Variants in IPO13 observed in about 807,000 individuals in gnomAD.
IPO13 encodes the protein importin-13.
A neutral mutation model predicts 115.5 loss-of-function variants in IPO13; 28 were observed. That is an observed-to-expected ratio of 0.24 (90% CI 0.18 to 0.33). The LOEUF (loss-of-function observed/expected upper bound fraction) is 0.33. IPO13 is among the 10% of genes least tolerant of loss of function. The pLI, the probability that IPO13 is intolerant of heterozygous loss-of-function variation, is 1.00. For synonymous variants in IPO13, 414 were observed against 478.9 expected (o/e 0.86, Z 1.77); for missense variants, 785 against 1,204.6 (o/e 0.65, Z 5.16).
chr1:43,962,000 A>T (rs1192201594), intron 14 of IPO13, among the ~76,000 whole-genome samples: 1 of 152,096 alleles, frequency 6.6e-6, no homozygotes, highest in Non-Finnish European at 1.5e-5. Flanking sequence ...AACAAAAACA[A>T]AAAAACAGCA....
At chr1:43,964,556 C>T (rs1005156382) in intron 15 of IPO13, among the ~76,000 whole-genome samples, 13 of 152,070 alleles carry the variant, frequency 8.5e-5, no homozygotes, top group African/African-American at 1.2e-4. Context: ...TGATCCCAAA[C>T]GGAGGGAGCT....
intron 7 of IPO13, 122 bp from the exon 8 acceptor site, chr1:43,957,855 G>T: frequency 1.1e-6 from 1 of 918,604 alleles, no homozygotes; most frequent in African/African-American, 1.6e-5. Context: ...CCTCTGAATG[G>T]GGCAGTACTC....
chr1:43,960,225 C>T, intron 11 of IPO13, 24 bp from the exon 12 acceptor site: 1 of 1,610,810 alleles, frequency 6.2e-7, no homozygotes, highest in Middle Eastern at 1.7e-4. Flanking sequence ...AGCAGAAGCG[C>T]CTCACTTCTT....
At chr1:43,957,379 C>T (rs2154302247) in intron 6 of IPO13, 23 bp from the exon 7 acceptor site, 1 of 1,613,952 alleles carries the variant, frequency 6.2e-7, no homozygotes, top group South Asian at 1.1e-5. Context: ...CTCATCCAAG[C>T]CAGTGGCACC....
chr1:43,959,361 A>G (rs2085274512), intron 11 of IPO13, among the ~76,000 whole-genome samples: 1 of 152,164 alleles, frequency 6.6e-6, no homozygotes, highest in Non-Finnish European at 1.5e-5. Context: ...AGGTTGCTCA[A>G]ATTGTCACAA....
chr1:43,958,318 A>T lies in IPO13; in HGVS notation c.1749+50A>T, dbSNP rs984680832. On this transcript the variant is annotated intron_variant, in intron 9 of 19. Coordinates refer to ENST00000372343, the MANE Select transcript of IPO13 (RefSeq NM_014652.4). The surrounding 1 kb of genome is among the most constrained non-coding windows in gnomAD (Gnocchi z 6.3). The stretch of plus-strand genomic sequence containing the variant: ...TCTCCTTGGAGGTCTTGTGGGAATC[A>T]CTTATCCCTGAAATCCTGTTTTTTG... 2.5e-5 allele frequency: 40 copies of T among 1,612,290 alleles called. No homozygotes were observed. Among genetic ancestry groups the T allele is most frequent in the Non-Finnish European group, 2.8e-5 (33 of 1,178,542 alleles).
At chr1:43,949,228 A>C in intron 1 of IPO13, 189 bp from the exon 2 acceptor site, 1 of 590,200 alleles carries the variant, frequency 1.7e-6, no homozygotes. Context: ...GAGCATGGGC[A>C]AGGTTCAGGC....
chr1:43,964,477 A>G (rs886682350), intron 15 of IPO13, among the ~76,000 whole-genome samples, 156 bp downstream of exon 15: 1 of 152,166 alleles, frequency 6.6e-6, no homozygotes, highest in Non-Finnish European at 1.5e-5. Context: ...GGAAGTTGAC[A>G]ACCCAACATC....
rs148252566 is a variant in IPO13 at position 43,957,261 on chromosome 1, C to G, written c.1338C>G (p.Leu446=). 1.2e-6 allele frequency: 2 copies of G among 1,614,126 alleles called. No individual in the cohort carries two copies. Among genetic ancestry groups the G allele is most frequent in the Non-Finnish European group, 1.7e-6 (2 of 1,180,024 alleles). The part of the protein sequence containing the change: ...EMLGAELLSN[L]YDKLGRLLTS... ...TGGGGGCCGAGCTGCTCAGCAACCT[C>G]TATGACAAGCTGGGTCGTTTGCTCA... Residue 446 remains leucine (L), a synonymous_variant, in exon 6 of 20, where the codon CTC becomes CTG. Coordinates refer to ENST00000372343, the MANE Select transcript of IPO13 (RefSeq NM_014652.4).
In IPO13 at chr1:43,966,205, T is replaced by C. The variant is rs981213651; in HGVS notation, c.2398-370T>C. On this transcript the variant is annotated intron_variant, in intron 15 of 19. Coordinates refer to ENST00000372343, the MANE Select transcript of IPO13 (RefSeq NM_014652.4). The surrounding 1 kb of genome is among the most constrained non-coding windows in gnomAD (Gnocchi z 4.1). ...TACCCTGTTCACAAACTGGGGGTGC[T>C]TAACTCCCTCTGTGAATCAACATGA... The C allele has an allele frequency of 2.7e-6, 1 of 367,362 alleles. No homozygotes were observed. Among genetic ancestry groups the C allele is most frequent in the African/African-American group, 2.1e-5 (1 of 47,966 alleles). The allele number at this position is 367,362 out of a possible 1,614,324, so 22.8% of individuals were successfully genotyped here.
rs2085331572 is a variant in IPO13 at position 43,967,193 on chromosome 1, A to G, written c.2614-122A>G. ...TGTGGGGATCAGCTGGCTCTCAAAAAGCAGCGCTCACTGTGATGTGCAGTT... is the reference window on the plus strand; with the variant it reads ...TGTGGGGATCAGCTGGCTCTCAAAAGGCAGCGCTCACTGTGATGTGCAGTT... On this transcript the variant is annotated intron_variant, in intron 18 of 19. Coordinates refer to ENST00000372343, the MANE Select transcript of IPO13 (RefSeq NM_014652.4). This position sits in a 1 kb window ranked among gnomAD's most constrained non-coding sequence, Gnocchi z 6.1. The G allele has an allele frequency of 8.5e-7, 1 of 1,180,952 alleles. No homozygotes were observed. Among genetic ancestry groups the G allele is most frequent in the African/African-American group, 1.5e-5 (1 of 66,168 alleles). The allele number at this position is 1,180,952 out of a possible 1,614,324, so 73.2% of individuals were successfully genotyped here.
In IPO13 at chr1:43,967,576, T is replaced by C. The variant is rs2085335277; in HGVS notation, c.2796-10T>C. The stretch of plus-strand genomic sequence containing the variant: ...GCTGGTGCTAACCTGCTCTCCCTTT[T>C]CTCCTTCAGCGAGCGAGTGAACAAG... On this transcript the variant is annotated splice_polypyrimidine_tract_variant and intron_variant, in intron 19 of 19. Transcript: ENST00000372343. The surrounding 1 kb of genome is among the most constrained non-coding windows in gnomAD (Gnocchi z 6.1). 1 of 1,614,132 alleles carries C rather than the reference T, an allele frequency of 6.2e-7. No individual in the cohort carries two copies. The highest frequency in any genetic ancestry group is 8.5e-7 in the Non-Finnish European group (1 of 1,180,004).
intron 14 of IPO13, among the ~76,000 whole-genome samples, chr1:43,961,772 C>T (rs1389715098): frequency 2.6e-5 from 4 of 152,198 alleles, no homozygotes; most frequent in Non-Finnish European, 5.9e-5. Flanking sequence ...GTCACATCTT[C>T]TGGGCCCTTG....
In IPO13 at chr1:43,967,655, T is replaced by G. The variant is rs1226732852; in HGVS notation, c.2865T>G (p.His955Gln). 1.2e-6 allele frequency: 2 copies of G among 1,614,134 alleles called. No individual in the cohort carries two copies. The highest frequency in any genetic ancestry group is 1.7e-6 in the Non-Finnish European group (2 of 1,179,942). ...TCACACTGCTGTGCCGGGGTCTCCA[T>G]GGCACAGATTACACAGCTGACTACT... ...KEFTLLCRGLHGTDYTADY is the reference protein window; with the variant it reads ...KEFTLLCRGLQGTDYTADY The change falls in exon 20 of 20, where the codon CAT (histidine) becomes CAG (glutamine). Residue 955 changes from histidine to glutamine, a missense_variant. Physicochemically the swap from His to Gln is conservative, Grantham distance 24. This residue lies in a region of IPO13 where 285 missense variants were observed against 394.8 expected (regional missense o/e 0.72). Transcript: ENST00000372343. This position sits in a 1 kb window ranked among gnomAD's most constrained non-coding sequence, Gnocchi z 6.1.
intron 2 of IPO13, among the ~76,000 whole-genome samples, chr1:43,950,366 A>T (rs1489752917): frequency 1.3e-5 from 2 of 152,232 alleles, no homozygotes; most frequent in Non-Finnish European, 2.9e-5. Context: ...TTCAATTAAA[A>T]TATTTGACTC....
intron 14 of IPO13, 40 bp downstream of exon 14, chr1:43,961,302 C>T (rs773284744): frequency 2.3e-5 from 34 of 1,510,354 alleles, no homozygotes; most frequent in Non-Finnish European, 3.0e-5. Flanking sequence ...CTGCCACTGC[C>T]ACTGCCTCTG....
At chr1:43,960,665 G>A (rs1386001779) in intron 12 of IPO13, among the ~76,000 whole-genome samples, 1 of 152,212 alleles carries the variant, frequency 6.6e-6, no homozygotes, top group Admixed American at 6.5e-5. Context: ...CAGGAGTTAA[G>A]TTCCACAGTT....
intron 14 of IPO13, among the ~76,000 whole-genome samples, chr1:43,963,317 CTGGAGGCAGCAG>C (rs2085301881): frequency 6.6e-6 from 1 of 152,222 alleles, no homozygotes. Flanking sequence ...ATGATCAGAA[CTGGAGGCAGCAG>C]TGTCCAACAT....
chr1:43,960,392 T>C (rs1468406912), intron 12 of IPO13, 63 bp downstream of exon 12: 4 of 1,391,176 alleles, frequency 2.9e-6, no homozygotes, highest in East Asian at 2.3e-5. Flanking sequence ...CAGGGTAAGA[T>C]GTTACTGCCA....
Sources: allele counts gnomAD v4.1 joint callset (sites outside exome capture counted in the v4.1 genomes callset), GRCh38; gene constraint gnomAD v4.1.1; regional missense constraint gnomAD v4.1.1; non-coding constraint Gnocchi (gnomAD v3.1); transcripts MANE v1.5; gene names NCBI Gene and HGNC (gene_info 2026-07-23, HGNC 2026-07-21).